USO1: variants seen among roughly 807,000 people sequenced by gnomAD.
USO1 encodes the protein USO1 vesicle transport factor.
In USO1, 57 loss-of-function variants were observed where a neutral mutation model predicts 124.5. The ratio of observed to expected loss-of-function variants is 0.46; its 90% CI spans 0.37 to 0.57. USO1 has a LOEUF of 0.57. USO1 is among the 20% of genes least tolerant of loss of function. USO1 has a pLI of 0.00. For missense variants in USO1, 900 were observed against 1,040.6 expected (o/e 0.86, Z 1.86); for synonymous variants, 369 against 362.8 (o/e 1.02, Z -0.19).
chr4:75,791,903 T>A (rs1253698696), intron 12 of USO1, among the ~76,000 whole-genome samples: 1 of 152,198 alleles, frequency 6.6e-6, no homozygotes, highest in Non-Finnish European at 1.5e-5. Context: ...TTCCTTAAGT[T>A]TGTTTTAGAA....
intron 1 of USO1, among the ~76,000 whole-genome samples, chr4:75,732,091 T>A (rs2149137340): frequency 6.6e-6 from 1 of 152,328 alleles, no homozygotes; most frequent in African/African-American, 2.4e-5. Flanking sequence ...TAAGGTTTGA[T>A]GTATAACCAT....
intron 13 of USO1, among the ~76,000 whole-genome samples, chr4:75,794,391 G>A (rs766363079): frequency 2.6e-5 from 4 of 151,950 alleles, no homozygotes; most frequent in African/African-American, 7.3e-5. Context: ...TTAAGTCCCC[G>A]GTGCATATAA....
At chr4:75,788,353 A>G (rs1722429155) in intron 10 of USO1, among the ~76,000 whole-genome samples, 1 of 149,538 alleles carries the variant, frequency 6.7e-6, no homozygotes, top group African/African-American at 2.5e-5. Flanking sequence ...ATTTTAGTAG[A>G]GACAGGGTCT....
intron 20 of USO1, 68 bp downstream of exon 20, chr4:75,806,640 G>C (rs1723005512): frequency 6.0e-6 from 9 of 1,509,534 alleles, no homozygotes; most frequent in African/African-American, 1.4e-5. Context: ...CAGCCCTATA[G>C]TTTCACAAAT....
intron 8 of USO1, among the ~76,000 whole-genome samples, chr4:75,777,732 T>C (rs1722110626): frequency 6.6e-6 from 1 of 152,202 alleles, no homozygotes; most frequent in Non-Finnish European, 1.5e-5. Context: ...AACACATTTG[T>C]TGCTGATGGG....
At chr4:75,738,361 GCAGGAGGA>G (rs2149141976) in intron 1 of USO1, among the ~76,000 whole-genome samples, 1 of 152,028 alleles carries the variant, frequency 6.6e-6, no homozygotes, top group South Asian at 2.1e-4. Flanking sequence ...GGAGGCTGAG[GCAGGAGGA>G]TTGCTGGAAC....
chr4:75,790,463 G>A (rs1722496744), intron 11 of USO1, among the ~76,000 whole-genome samples, 180 bp from the exon 12 acceptor site: 3 of 152,188 alleles, frequency 2.0e-5, no homozygotes, highest in South Asian at 4.1e-4. Flanking sequence ...CTAGCTGTAT[G>A]CCTTAAGCAA....
chr4:75,737,816 CATT>C (rs201525951), intron 1 of USO1, among the ~76,000 whole-genome samples: 2 of 150,994 alleles, frequency 1.3e-5, no homozygotes, highest in East Asian at 1.9e-4. Flanking sequence ...AAATATAATA[CATT>C]ATTATTATTA....
At chr4:75,754,559 A>C (rs1027113133) in intron 3 of USO1, among the ~76,000 whole-genome samples, 4 of 152,194 alleles carry the variant, frequency 2.6e-5, no homozygotes, top group Non-Finnish European at 5.9e-5. Flanking sequence ...TTCAAAGTTA[A>C]TTTATCTCTG....
At chr4:75,797,470 TTC>T (rs927668627) in intron 13 of USO1, among the ~76,000 whole-genome samples, 4 of 53,880 alleles carry the variant, frequency 7.4e-5, no homozygotes, top group African/African-American at 2.1e-4. Context: ...TGATCCATTA[TTC>T]TCTCTTTTTT....
rs1001759746 is a variant in USO1 at position 75,724,673 on chromosome 4, C to G, written c.-147C>G. On this transcript the variant is annotated 5_prime_UTR_variant, in exon 1 of 24. Coordinates refer to ENST00000514213, the MANE Select transcript of USO1 (RefSeq NM_003715.4). ...GGCGGCTGTTTCCGGGCTTAGAGGG[C>G]TGGAGTGGCCGCCGAGTTGGAGGCG... is the stretch of plus-strand genomic sequence containing the variant. 7 of 746,280 alleles carry G rather than the reference C, an allele frequency of 9.4e-6. No homozygotes were observed. Among genetic ancestry groups the G allele is most frequent in the South Asian group, 1.8e-5 (1 of 55,258 alleles). The allele number at this position is 746,280 out of a possible 1,614,324, so 46.2% of individuals were successfully genotyped here. A position where few individuals can be genotyped will look rare whatever the true frequency, so the allele number is the denominator to read the frequency against.
At chr4:75,804,629 G>T (rs896441099) in intron 18 of USO1, among the ~76,000 whole-genome samples, 2 of 152,170 alleles carry the variant, frequency 1.3e-5, no homozygotes, top group African/African-American at 4.8e-5. Context: ...TCAGTAACTA[G>T]TATAAGCCCA....
chr4:75,759,542 C>T (rs1306210378), intron 4 of USO1, among the ~76,000 whole-genome samples: 6 of 149,806 alleles, frequency 4.0e-5, no homozygotes, highest in Admixed American at 6.7e-5. Flanking sequence ...TGGAGTGAGC[C>T]GAGATTGTGC....
chr4:75,801,837 T>C (rs745971439), intron 17 of USO1, among the ~76,000 whole-genome samples: 1 of 152,224 alleles, frequency 6.6e-6, no homozygotes, highest in African/African-American at 2.4e-5. Context: ...GTTTTTTGTT[T>C]AGACAGAGTC....
At chr4:75,812,450 C>T (rs1723177027) in intron 23 of USO1, 75 bp downstream of exon 23, 11 of 1,498,528 alleles carry the variant, frequency 7.3e-6, no homozygotes, top group Middle Eastern at 2.4e-4. Flanking sequence ...TTTAATGTAA[C>T]ATGGAAAAGT....
intron 8 of USO1, among the ~76,000 whole-genome samples, chr4:75,780,700 T>C (rs1337987328): frequency 7.6e-6 from 1 of 132,096 alleles, no homozygotes; most frequent in Non-Finnish European, 1.5e-5. Context: ...CAGGCTGGAA[T>C]GCAGTGGTAC....
chr4:75,790,727 G>T lies in USO1; in HGVS notation c.1170G>T (p.Gln390His). The T allele has an allele frequency of 6.2e-7, 1 of 1,613,550 alleles. No individual in the cohort carries two copies. The highest frequency in any genetic ancestry group is 8.5e-7 in the Non-Finnish European group (1 of 1,179,688). ...GCTGTGCTGTTCTCTATTGTTTCCA[G>T]TGTTTCTTGTATAAAAACCAAAAAG... is the stretch of plus-strand genomic sequence containing the variant. ...VLRCAVLYCF[Q>H]CFLYKNQKGQ... The change falls in exon 12 of 24, where the codon CAG becomes CAT. Residue 390 changes from glutamine (Q) to histidine (H), a missense_variant. By Grantham distance (24) the Gln-to-His change is conservative (BLOSUM62 0). This residue lies in a region of USO1 where 538 missense variants were observed against 681.6 expected (regional missense o/e 0.79). Transcript: ENST00000514213.
chr4:75,730,018 A>T (rs999278184), intron 1 of USO1: 8 of 312,932 alleles, frequency 2.6e-5, no homozygotes, highest in Non-Finnish European at 4.4e-5. Flanking sequence ...ATTCTACATT[A>T]ATAACCAGGT....
intron 4 of USO1, chr4:75,760,571 T>C (rs937895419): frequency 2.3e-5 from 9 of 397,614 alleles, no homozygotes; most frequent in African/African-American, 1.8e-4. Flanking sequence ...TTTTTATTTA[T>C]TTATTTTTAT....
Sources: gnomAD v4.1 joint callset for allele counts (sites outside exome capture counted in the v4.1 genomes callset) on GRCh38, gnomAD v4.1.1 for gene constraint, gnomAD v4.1.1 regional missense constraint, MANE v1.5 for transcripts, NCBI Gene and HGNC (gene_info 2026-07-23, HGNC 2026-07-21) for gene names.